Variants in GRHL2 observed in about 807,000 individuals in gnomAD.
The protein encoded by GRHL2 is grainyhead-like protein 2 homolog.
Under a neutral mutation model 83.8 loss-of-function variants are expected in GRHL2, and 21 were observed. The observed-to-expected ratio is 0.25, with a 90% CI of 0.18 to 0.36. The LOEUF is 0.36. Ranked by LOEUF, GRHL2 falls within the 10% of genes least tolerant of loss-of-function variation. The pLI is 1.00. For missense variants in GRHL2, 623 were observed against 781.8 expected, an observed-to-expected ratio of 0.80 and a Z score of 2.42; for synonymous variants, 280 against 278.9, an observed-to-expected ratio of 1.00 and a Z score of -0.04.
At chr8:101,660,354 T>A (rs1425675452) in intron 14 of GRHL2, among the ~76,000 whole-genome samples, 1 of 152,224 alleles carries the variant, frequency 6.6e-6, no homozygotes, top group Non-Finnish European at 1.5e-5. Flanking sequence ...TTGTCACTCC[T>A]CTTTTGCCTT....
chr8:101,640,219 T>G (rs1433471116), intron 12 of GRHL2, among the ~76,000 whole-genome samples: 3 of 152,232 alleles, frequency 2.0e-5, no homozygotes, highest in Admixed American at 6.5e-5. Context: ...GAGTCTCAGT[T>G]TTCTCATCTA....
intron 14 of GRHL2, among the ~76,000 whole-genome samples, chr8:101,657,550 CAAAG>C (rs1289923169): frequency 5.9e-5 from 9 of 152,010 alleles, no homozygotes; most frequent in Non-Finnish European, 1.5e-5. Context: ...TTGAAAAACA[CAAAG>C]AAAAGGCCGG....
At chr8:101,629,751 A>T (rs1197809089) in intron 9 of GRHL2, among the ~76,000 whole-genome samples, 3 of 152,100 alleles carry the variant, frequency 2.0e-5, no homozygotes, top group Non-Finnish European at 2.9e-5. Context: ...CCTATCACAG[A>T]CTTTAGTATT....
intron 3 of GRHL2, among the ~76,000 whole-genome samples, chr8:101,556,696 C>T (rs1442114380): frequency 6.6e-6 from 1 of 152,162 alleles, no homozygotes; most frequent in African/African-American, 2.4e-5. Flanking sequence ...CAAAGGAATT[C>T]AGTGCTAAGG....
At chr8:101,545,483 C>G (rs919960548) in intron 2 of GRHL2, among the ~76,000 whole-genome samples, 1 of 129,920 alleles carries the variant, frequency 7.7e-6, no homozygotes, top group African/African-American at 2.9e-5. Flanking sequence ...GTCTGAAAAC[C>G]AAAATGATTT....
intron 7 of GRHL2, among the ~76,000 whole-genome samples, chr8:101,587,411 C>A (rs1004632789): frequency 1.3e-5 from 2 of 152,196 alleles, no homozygotes; most frequent in Non-Finnish European, 2.9e-5. Context: ...AATCAAAACA[C>A]ACACACATAC....
chr8:101,594,897 A>T (rs1586129002), intron 7 of GRHL2, among the ~76,000 whole-genome samples: 1 of 152,250 alleles, frequency 6.6e-6, no homozygotes, highest in Non-Finnish European at 1.5e-5. Context: ...GTTGGTGATA[A>T]ATAGTAAACG....
At chr8:101,675,586 C>G in the GRHL2 span, among the ~76,000 whole-genome samples, 1 of 152,088 alleles carries the variant, frequency 6.6e-6, no homozygotes, top group Admixed American at 6.5e-5. Context: ...AAGAACATTC[C>G]ATGCTCATGG....
At chr8:101,647,839 T>C (rs1166952094) in intron 13 of GRHL2, among the ~76,000 whole-genome samples, 1 of 151,930 alleles carries the variant, frequency 6.6e-6, no homozygotes, top group Non-Finnish European at 1.5e-5. Flanking sequence ...ACTTGGCCTT[T>C]GTGAAGCAAC....
intron 2 of GRHL2, among the ~76,000 whole-genome samples, chr8:101,551,869 T>C (rs1811386385): frequency 6.6e-6 from 1 of 150,728 alleles, no homozygotes; most frequent in African/African-American, 2.4e-5. Flanking sequence ...TGAGTCTTGC[T>C]CTGTCGCCCA....
intron 8 of GRHL2, among the ~76,000 whole-genome samples, chr8:101,608,422 G>T (rs954176945): frequency 6.6e-6 from 1 of 152,132 alleles, no homozygotes; most frequent in East Asian, 1.9e-4. Context: ...TGGGCCAGGC[G>T]GTGGAGGGTC....
intron 2 of GRHL2, among the ~76,000 whole-genome samples, chr8:101,550,729 AC>A (rs1428752771): frequency 6.6e-6 from 1 of 152,190 alleles, no homozygotes; most frequent in Non-Finnish European, 1.5e-5. Flanking sequence ...ATTTTCCCAA[AC>A]AGAAAACTCT....
intron 7 of GRHL2, among the ~76,000 whole-genome samples, chr8:101,578,998 C>T (rs1457235265): frequency 6.6e-6 from 1 of 152,144 alleles, no homozygotes; most frequent in Non-Finnish European, 1.5e-5. Context: ...GAAACTGAGG[C>T]CTAGGAAGTC....
intron 1 of GRHL2, among the ~76,000 whole-genome samples, chr8:101,528,471 A>G (rs1251175199): frequency 6.6e-6 from 1 of 152,068 alleles, no homozygotes; most frequent in Non-Finnish European, 1.5e-5. Flanking sequence ...CAAAAACAAA[A>G]ACACAACAGC....
At chr8:101,509,209 T>TGTGTGTGTGTGTGTG (rs1554581616) in intron 1 of GRHL2, among the ~76,000 whole-genome samples, 2 of 53,740 alleles carry the variant, frequency 3.7e-5, no homozygotes, top group African/African-American at 8.9e-5. Context: ...TTCTTTCTTC[T>TGTGTGTGTGTGTGTG]TGTGTGTGTG....
At chr8:101,528,827 C>A in intron 1 of GRHL2, 1 of 342,626 alleles carries the variant, frequency 2.9e-6, no homozygotes, top group South Asian at 2.8e-5. Flanking sequence ...CCATTCAAAC[C>A]AAATCTTTGA....
chr8:101,615,101 A>C (rs1017280697), intron 8 of GRHL2, among the ~76,000 whole-genome samples: 1 of 152,190 alleles, frequency 6.6e-6, no homozygotes, highest in Non-Finnish European at 1.5e-5. Flanking sequence ...ACCTAGCCTA[A>C]GTGTCTCCCG....
rs1360364622 is a variant in GRHL2 at position 101,667,259 on chromosome 8, A to G, written c.*556A>G. Reference sequence around the variant, plus strand: ...CTAAATACCTCCAGGGTTCCCAGCAAGTGGCCACCAGGCCTTGTACAGGAA... The same window carrying G: ...CTAAATACCTCCAGGGTTCCCAGCAGGTGGCCACCAGGCCTTGTACAGGAA... On this transcript the variant is annotated 3_prime_UTR_variant, in exon 16 of 16. Transcript: ENST00000646743. 5.4e-6 allele frequency: 1 copy of G among 184,828 alleles called. No individual in the cohort carries two copies. The highest frequency in any genetic ancestry group is 1.2e-4 in the East Asian group (1 of 8,082). The allele number at this position is 184,828 out of a possible 1,614,324, so 11.4% of individuals were successfully genotyped here. A position where few individuals can be genotyped will look rare whatever the true frequency, so the allele number is the denominator to read the frequency against.
At chr8:101,631,210 T>C (rs1478417933) in intron 9 of GRHL2, among the ~76,000 whole-genome samples, 1 of 152,148 alleles carries the variant, frequency 6.6e-6, no homozygotes, top group Non-Finnish European at 1.5e-5. Context: ...AAGGAAACAT[T>C]TTATAGGGAA....
Sources: allele counts gnomAD v4.1 joint callset (sites outside exome capture counted in the v4.1 genomes callset), GRCh38; gene constraint gnomAD v4.1.1; transcripts MANE v1.5; gene names NCBI Gene and HGNC (gene_info 2026-07-23, HGNC 2026-07-21).